The following EP300 variants were observed in gnomAD, a reference collection of about 807,000 sequenced individuals.
EP300 encodes the protein histone acetyltransferase p300.
EP300 carries 31 observed loss-of-function variants against 264.0 expected under a neutral mutation model. That is an observed-to-expected ratio of 0.12 (90% CI 0.09 to 0.16). The LOEUF is 0.16. Ranked by LOEUF, EP300 falls within the 10% of genes least tolerant of loss-of-function variation. EP300 has a pLI of 1.00. For missense variants in EP300, 2,766 were observed against 3,052.9 expected, an observed-to-expected ratio of 0.91 and a Z score of 2.21; for synonymous variants, 1,340 against 1,045.4, an observed-to-expected ratio of 1.28 and a Z score of -5.44.
intron 10 of EP300, among the ~76,000 whole-genome samples, chr22:41,143,917 A>G (rs1159518312): frequency 1.3e-5 from 2 of 152,196 alleles, no homozygotes; most frequent in Non-Finnish European, 2.9e-5. Context: ...GAATACAGTT[A>G]TTATAGAATC....
chr22:41,155,201 A>G, intron 17 of EP300, 88 bp downstream of exon 17: 1 of 1,016,512 alleles, frequency 9.8e-7, no homozygotes, highest in South Asian at 1.4e-5. Flanking sequence ...CAGTATAGCC[A>G]CTCATTTCAA....
At chr22:41,137,999 G>C (rs538739953) in intron 8 of EP300, among the ~76,000 whole-genome samples, 15 of 152,178 alleles carry the variant, frequency 9.9e-5, no homozygotes, top group African/African-American at 3.6e-4. Flanking sequence ...TAGTCTTTCA[G>C]CTTTAATGGT....
At chr22:41,093,932 A>G (rs577307814) in intron 1 of EP300, among the ~76,000 whole-genome samples, 3 of 152,350 alleles carry the variant, frequency 2.0e-5, no homozygotes, top group South Asian at 4.1e-4. Flanking sequence ...TGATTGTACA[A>G]AAGTTTAAAA....
In EP300 at chr22:41,117,695, G is replaced by A. The variant is rs1294166441; in HGVS notation, c.603G>A (p.Gly201=). The A allele has an allele frequency of 1.9e-6, 3 of 1,614,208 alleles. No homozygotes were observed. The highest frequency in any genetic ancestry group is 1.7e-5 in the Admixed American group (1 of 60,028). Reference sequence around the variant, plus strand: ...ACGGTTCAATTGGAGCAGGCCGAGGGCGACAGAATATGCAGTACCCAAACC... The same window carrying A: ...ACGGTTCAATTGGAGCAGGCCGAGGACGACAGAATATGCAGTACCCAAACC... ...VMNGSIGAGR[G]RQNMQYPNPG... is the part of the protein sequence containing the mutation. The change falls in exon 2 of 31, where the codon GGG becomes GGA. Residue 201 remains glycine, a synonymous_variant. Coordinates refer to ENST00000263253, the MANE Select transcript of EP300 (RefSeq NM_001429.4).
chr22:41,162,596 A>T (rs2059113915), intron 20 of EP300, 127 bp from the exon 21 acceptor site: 3 of 721,244 alleles, frequency 4.2e-6, no homozygotes. Flanking sequence ...GAATACACCT[A>T]TTTAAATGTG....
Position 41,177,819 on chromosome 22 carries a change from A to T in EP300, c.6108A>T (p.Val2036=), listed in dbSNP as rs200624744. ...NMAPQPGLGQ[V]GISPLKPGTV... is the part of the protein sequence containing the mutation. The stretch of plus-strand genomic sequence containing the variant: ...CTCCACAACCAGGATTGGGCCAGGT[A>T]GGTATCAGCCCACTCAAACCAGGCA... Residue 2036 remains valine, a synonymous_variant, in exon 31 of 31, where the codon GTA becomes GTT. Transcript: ENST00000263253. The T allele has an allele frequency of 1.9e-6, 3 of 1,614,090 alleles. No homozygotes were observed. Among genetic ancestry groups the T allele is most frequent in the African/African-American group, 1.3e-5 (1 of 75,046 alleles).
chr22:41,111,120 C>T (rs2058787935), intron 1 of EP300, among the ~76,000 whole-genome samples: 1 of 152,022 alleles, frequency 6.6e-6, no homozygotes, highest in Admixed American at 6.6e-5. Context: ...CATGTGCCAC[C>T]ACGCGCAGCT....
In EP300 at chr22:41,157,333, C is replaced by T. The variant is rs76268515; in HGVS notation, c.3426C>T (p.Cys1142=). 4,253 of 1,614,084 alleles carry T rather than the reference C, an allele frequency of 2.6e-3. 94 individuals are homozygous for T. In the African/African-American group the frequency reaches 0.05, roughly 19 times the overall value. The change falls in exon 18 of 31, where the codon TGC becomes TGT. Residue 1142 remains cysteine (C), a synonymous_variant. Transcript: ENST00000263253. ...AAACATCACGGGTATACAAATACTG[C>T]TCCAAGCTCTCTGAGGTCTTTGAAC... The part of the protein sequence containing the change: ...NRKTSRVYKY[C]SKLSEVFEQE...
At chr22:41,175,406 CTAAT>C (rs1730638923) in intron 29 of EP300, among the ~76,000 whole-genome samples, 2 of 152,310 alleles carry the variant, frequency 1.3e-5, no homozygotes, top group Admixed American at 1.3e-4. Context: ...TAGTTATATA[CTAAT>C]TAATGTCAAA....
rs2059213035 is a variant in EP300, at chr22:41,178,042, C to A, written c.6331C>A (p.Pro2111Thr). 1 of 1,614,170 alleles carries A rather than the reference C, an allele frequency of 6.2e-7. No homozygotes were observed. The highest frequency in any genetic ancestry group is 1.1e-5 in the South Asian group (1 of 91,080). The part of the protein sequence containing the change: ...PGQPGMPQGQ[P>T]GLQPPTMPGQ... ...GCAGCCTGGCATGCCCCAGGGGCAG[C>A]CAGGGCTACAGCCACCTACCATGCC... Residue 2111 changes from proline (P) to threonine (T), a missense_variant, in exon 31 of 31, where the codon CCA (proline) becomes ACA (threonine). By Grantham distance (38) the Pro-to-Thr change is conservative (BLOSUM62 -1). Transcript: ENST00000263253.
In EP300 at chr22:41,135,858, C is replaced by T. The variant is rs781470107; in HGVS notation, c.1574C>T (p.Pro525Leu). The T allele has an allele frequency of 6.2e-6, 10 of 1,614,030 alleles. No individual in the cohort carries two copies. Among genetic ancestry groups the T allele is most frequent in the South Asian group, 3.3e-5 (3 of 91,080 alleles). ...GVNGGVGVQT[P>L]SLLSDSMLHS... ...AATGGAGGTGTAGGAGTTCAAACGC[C>T]GAGTCTTCTTTCTGACTCAATGTTG... is the stretch of plus-strand genomic sequence containing the variant. Residue 525 changes from proline (P) to leucine (L), a missense_variant, in exon 7 of 31, where the codon CCG (proline) becomes CTG (leucine). Pro to Leu is a moderately conservative substitution (Grantham distance 98). Coordinates refer to ENST00000263253, the MANE Select transcript of EP300 (RefSeq NM_001429.4).
At chr22:41,141,665 C>CTTTTTTTTTTT (rs77123676) in intron 10 of EP300, among the ~76,000 whole-genome samples, 9 of 146,114 alleles carry the variant, frequency 6.2e-5, no homozygotes, top group East Asian at 2.0e-4. Context: ...TCTAGGAACT[C>CTTTTTTTTTTT]TTTTTTTTTT....
At chr22:41,117,972 T>C in intron 2 of EP300, 151 bp downstream of exon 2, 1 of 1,304,494 alleles carries the variant, frequency 7.7e-7, no homozygotes, top group Non-Finnish European at 1.1e-6. Context: ...GTGCCTGTAT[T>C]TAAGTAAAAC....
In EP300 at chr22:41,127,672, C is replaced by T. The variant is rs786205557; in HGVS notation, c.1092C>T (p.Cys364=). ...AGGCCAATGGGGAAGTGAGGCAGTG[C>T]AACCTTCCCCACTGTCGCACAATGA... The part of the protein sequence containing the change: ...REQANGEVRQ[C]NLPHCRTMKN... Residue 364 remains cysteine, a synonymous_variant, in exon 4 of 31, where the codon TGC becomes TGT. Coordinates refer to ENST00000263253, the MANE Select transcript of EP300 (RefSeq NM_001429.4). 2 of 1,614,098 alleles carry T rather than the reference C, an allele frequency of 1.2e-6. No individual in the cohort carries two copies. The highest frequency in any genetic ancestry group is 2.2e-5 in the South Asian group (2 of 91,084).
chr22:41,093,972 CTT>C (rs1407965407), intron 1 of EP300, among the ~76,000 whole-genome samples: 1 of 152,170 alleles, frequency 6.6e-6, no homozygotes, highest in African/African-American at 2.4e-5. Context: ...TTGTGTGTGT[CTT>C]TGTCTTTTTA....
At chr22:41,158,528 T>C (rs768488003) in intron 19 of EP300, 28 bp downstream of exon 19, 3 of 1,572,400 alleles carry the variant, frequency 1.9e-6, no homozygotes, top group Non-Finnish European at 2.6e-6. Context: ...TGGACCATGG[T>C]CCATGTGTCC....
intron 1 of EP300, among the ~76,000 whole-genome samples, chr22:41,114,191 T>C (rs912860401): frequency 2.6e-5 from 4 of 152,074 alleles, no homozygotes; most frequent in African/African-American, 9.7e-5. Flanking sequence ...GTTGTTGTTG[T>C]TGTTGTTTGA....
At chr22:41,157,496 T>G in intron 18 of EP300, 88 bp downstream of exon 18, 2 of 1,389,092 alleles carry the variant, frequency 1.4e-6, no homozygotes, top group Non-Finnish European at 2.0e-6. Context: ...ATATCCTGCT[T>G]CTGGCTTTGA....
intron 22 of EP300, among the ~76,000 whole-genome samples, chr22:41,164,516 A>G (rs989953290): frequency 6.6e-6 from 1 of 152,196 alleles, no homozygotes; most frequent in African/African-American, 2.4e-5. Flanking sequence ...GTTCCAGACC[A>G]GCCTGACCAA....
Sources: gnomAD v4.1 joint callset for allele counts (sites outside exome capture counted in the v4.1 genomes callset) on GRCh38, gnomAD v4.1.1 for gene constraint, MANE v1.5 for transcripts, NCBI Gene and HGNC (gene_info 2026-07-23, HGNC 2026-07-21) for gene names.